Variants in DNMBP observed in about 807,000 individuals in gnomAD.
DNMBP encodes the protein dynamin binding protein, also known as dynamin-binding protein.
A neutral mutation model predicts 150.0 loss-of-function variants in DNMBP; 87 were observed. That is an observed-to-expected ratio of 0.58 (90% CI 0.49 to 0.69). DNMBP has a LOEUF of 0.69. Among genes scored for constraint, DNMBP ranks in the 30% least tolerant of loss-of-function variants. The pLI, the probability that DNMBP is intolerant of heterozygous loss-of-function variation, is 0.00. For synonymous variants in DNMBP, 711 were observed against 750.4 expected, an observed-to-expected ratio of 0.95 and a Z score of 0.86; for missense variants, 1,774 against 1,949.0, an observed-to-expected ratio of 0.91 and a Z score of 1.69.
At chr10:99,898,357 C>T (rs1301778604) in intron 8 of DNMBP, 72 bp from the exon 9 acceptor site, 1 of 1,364,512 alleles carries the variant, frequency 7.3e-7, no homozygotes, top group Admixed American at 1.7e-5. Context: ...CATCGTGAGA[C>T]CCCACCTTAA....
chr10:99,930,435 C>T (rs2040138173), intron 4 of DNMBP: 1 of 702,988 alleles, frequency 1.4e-6, no homozygotes, highest in Non-Finnish European at 2.6e-6. Flanking sequence ...AGGGCTGAGA[C>T]TCTCATAATC....
At chr10:99,979,972 A>T (rs1037471624) in intron 1 of DNMBP, among the ~76,000 whole-genome samples, 2 of 152,190 alleles carry the variant, frequency 1.3e-5, no homozygotes, top group African/African-American at 4.8e-5. Context: ...CACCTGGAGT[A>T]CTTCCCCCAA....
At chr10:99,900,982 C>T (rs1384591608) in intron 6 of DNMBP, among the ~76,000 whole-genome samples, 6 of 152,192 alleles carry the variant, frequency 3.9e-5, no homozygotes, top group Non-Finnish European at 8.8e-5. Flanking sequence ...GTTGCCCAGG[C>T]TCCACTGCAG....
intron 1 of DNMBP, among the ~76,000 whole-genome samples, chr10:99,997,820 T>G (rs1446245249): frequency 7.2e-6 from 1 of 139,670 alleles, no homozygotes; most frequent in Non-Finnish European, 1.5e-5. Context: ...TCAAGCTACT[T>G]GGGTGGGTGG....
chr10:99,957,124 G>A lies in DNMBP; in HGVS notation c.350C>T (p.Pro117Leu), dbSNP rs747337569. The A allele has an allele frequency of 3.1e-6, 5 of 1,613,476 alleles. No homozygotes were observed. The highest frequency in any genetic ancestry group is 4.2e-6 in the Non-Finnish European group (5 of 1,180,026). Residue 117 changes from proline to leucine, a missense_variant, in exon 4 of 17, where the codon CCA becomes CTA. Pro to Leu is a moderately conservative substitution (Grantham distance 98). Around this residue, in one of 2 missense-constraint regions of DNMBP, gnomAD observed 344 missense variants for 456.6 expected, o/e 0.75. Transcript: ENST00000324109. ...GCAGAGCTCGCGGACACATGAAGAT[G>A]GGAAGAAGCCCCGTGCGCCCCAGCA... ...RSCWGARGFFPSSCVRELCLS... is the reference protein window; with the variant it reads ...RSCWGARGFFLSSCVRELCLS...
In DNMBP at chr10:99,880,140, A is replaced by G; in HGVS notation, c.4219T>C (p.Ser1407Pro). ...GSCQKQPQDA[S>P]PPPKECDQGT... ...TGGTCACATTCTTTTGGCGGAGGAG[A>G]TGCATCTTGAGGCTGCTTCTGGCAA... The change falls in exon 16 of 17, where the codon TCT (serine) becomes CCT (proline). Residue 1407 changes from serine to proline, a missense_variant. Around this residue, in one of 2 missense-constraint regions of DNMBP, gnomAD observed 1,430 missense variants for 1,492.5 expected, o/e 0.96. Coordinates refer to ENST00000324109, the MANE Select transcript of DNMBP (RefSeq NM_015221.4). 1.2e-6 allele frequency: 2 copies of G among 1,614,114 alleles called. No individual in the cohort carries two copies. Among genetic ancestry groups the G allele is most frequent in the Admixed American group, 3.3e-5 (2 of 60,002 alleles).
intron 1 of DNMBP, among the ~76,000 whole-genome samples, chr10:100,007,892 A>G (rs2041092538): frequency 6.6e-6 from 1 of 152,286 alleles, no homozygotes; most frequent in Non-Finnish European, 1.5e-5. Flanking sequence ...AGTGTGTATA[A>G]TAAGAAACTA....
intron 4 of DNMBP, among the ~76,000 whole-genome samples, chr10:99,949,701 C>T (rs1310899619): frequency 6.6e-6 from 1 of 152,140 alleles, no homozygotes; most frequent in East Asian, 1.9e-4. Flanking sequence ...AGACTACACC[C>T]ACATTAAGTC....
In DNMBP at chr10:99,972,082, G is replaced by A; in HGVS notation, c.43C>T (p.Pro15Ser). ...SVVRAIFDFCPSVSEELPLFV... is the reference protein window; with the variant it reads ...SVVRAIFDFCSSVSEELPLFV... ...AGCGGCAGTTCTTCTGATACGCTAGGGCAGAAGTCAAAAATGGCTCGAACC... is the reference window on the plus strand; with the variant it reads ...AGCGGCAGTTCTTCTGATACGCTAGAGCAGAAGTCAAAAATGGCTCGAACC... Residue 15 changes from proline (P) to serine (S), a missense_variant, in exon 2 of 17, where the codon CCT (proline) becomes TCT (serine). Coordinates refer to ENST00000324109, the MANE Select transcript of DNMBP (RefSeq NM_015221.4). 6.2e-7 allele frequency: 1 copy of A among 1,613,622 alleles called. No individual in the cohort carries two copies. The highest frequency in any genetic ancestry group is 1.7e-5 in the Admixed American group (1 of 59,950).
In DNMBP at chr10:99,970,971, C is replaced by CAAAAAA. The variant is rs532226561; in HGVS notation, c.145+1003_145+1008dup. Among the ~76,000 whole-genome samples, 155 of 33,192 alleles carry CAAAAAA rather than the reference C, an allele frequency of 4.7e-3. 19 individuals carry two copies. The highest frequency in any genetic ancestry group is 9.3e-3 in the African/African-American group (94 of 10,060). The allele number at this position is 33,192 out of a possible 152,430, so 21.8% of individuals were successfully genotyped here. ...TGGGCAACAGAGCAAGACTCCGTCT[C>CAAAAAA]AAAAAAAAAAAAAAAAAAAAAAAAA... On this transcript the variant is annotated intron_variant, in intron 2 of 16. Transcript: ENST00000324109.
chr10:100,001,214 G>A (rs2041007136), intron 1 of DNMBP, among the ~76,000 whole-genome samples: 1 of 100,524 alleles, frequency 9.9e-6, no homozygotes, highest in Non-Finnish European at 1.8e-5. Flanking sequence ...CTGGAGGACA[G>A]AGCAAGACTC....
intron 9 of DNMBP, among the ~76,000 whole-genome samples, chr10:99,897,478 G>A (rs979370220): frequency 1.3e-5 from 2 of 152,222 alleles, no homozygotes; most frequent in Non-Finnish European, 2.9e-5. Context: ...CATAAATGAG[G>A]TGAGGAGGAA....
intron 6 of DNMBP, among the ~76,000 whole-genome samples, chr10:99,904,554 C>T (rs138412316): frequency 1.2e-4 from 18 of 152,274 alleles, no homozygotes; most frequent in Non-Finnish European, 2.4e-4. Context: ...GAATCCCCCA[C>T]TGAACGCACG....
chr10:99,924,694 G>T (rs1357884690), intron 4 of DNMBP, among the ~76,000 whole-genome samples: 2 of 152,114 alleles, frequency 1.3e-5, no homozygotes, highest in African/African-American at 4.8e-5. Flanking sequence ...AGGAGATATG[G>T]GATCTATGTG....
At chr10:99,935,953 T>C (rs2040225884) in intron 4 of DNMBP, among the ~76,000 whole-genome samples, 2 of 152,122 alleles carry the variant, frequency 1.3e-5, no homozygotes, top group Non-Finnish European at 1.5e-5. Context: ...AAATGACCCA[T>C]AGGATTTTGC....
chr10:99,931,897 T>C (rs1346659037), intron 4 of DNMBP, among the ~76,000 whole-genome samples: 3 of 152,202 alleles, frequency 2.0e-5, no homozygotes, highest in African/African-American at 7.2e-5. Context: ...CGGTTGGATG[T>C]GAACAGTGAC....
chr10:99,885,724 A>G lies in DNMBP; in HGVS notation c.3761T>C (p.Ile1254Thr). The G allele has an allele frequency of 6.3e-7, 1 of 1,588,240 alleles. No individual in the cohort carries two copies. The highest frequency in any genetic ancestry group is 8.6e-7 in the Non-Finnish European group (1 of 1,165,258). ...ATKKPFERKTIDRQSARKPLL... is the reference protein window; with the variant it reads ...ATKKPFERKTTDRQSARKPLL... ...TGGCTTTCGAGCAGACTGGCGGTCA[A>G]TGGTTTTCCTCTCAAATGGCTTCTT... is the stretch of plus-strand genomic sequence containing the variant. Residue 1254 changes from isoleucine to threonine, a missense_variant, in exon 14 of 17, where the codon ATT (isoleucine) becomes ACT (threonine). Ile to Thr is a moderately conservative substitution (Grantham distance 89). This residue lies in a region of DNMBP where 1,430 missense variants were observed against 1,492.5 expected (regional missense o/e 0.96). Transcript: ENST00000324109.
At chr10:99,886,877 C>T (rs981516337) in intron 12 of DNMBP, among the ~76,000 whole-genome samples, 4 of 152,152 alleles carry the variant, frequency 2.6e-5, no homozygotes, top group Non-Finnish European at 5.9e-5. Flanking sequence ...GTAAAATACA[C>T]TAATCTCACT....
Position 99,945,104 on chromosome 10 carries a change from G to C in DNMBP, c.2260+10110C>G, listed in dbSNP as rs144771469. Among the ~76,000 whole-genome samples the C allele has an allele frequency of 6.6e-3, 1,009 of 152,212 alleles. 11 individuals carry two copies. The highest frequency in any genetic ancestry group is 0.023 in the African/African-American group (965 of 41,528). On this transcript the variant is annotated intron_variant, in intron 4 of 16. Transcript: ENST00000324109. ...GTTGGACCTGGGCTGAGAATGACTA[G>C]TGTTTGTTTCCATGTGGAAATTCCT...
Sources: allele counts gnomAD v4.1 joint callset (sites outside exome capture counted in the v4.1 genomes callset), GRCh38; gene constraint gnomAD v4.1.1; regional missense constraint gnomAD v4.1.1; transcripts MANE v1.5; gene names NCBI Gene and HGNC (gene_info 2026-07-23, HGNC 2026-07-21).